Variants in CYTH1 observed in about 807,000 individuals in gnomAD.
The protein encoded by CYTH1 is cytohesin 1.
A neutral mutation model predicts 61.8 loss-of-function variants in CYTH1; 18 were observed. The observed-to-expected ratio is 0.29, with a 90% CI of 0.20 to 0.43. The LOEUF is 0.43. Among genes scored for constraint, CYTH1 ranks in the 20% least tolerant of loss-of-function variants. CYTH1 has a pLI of 1.00. For synonymous variants in CYTH1, 174 were observed against 184.3 expected (o/e 0.94, Z 0.45); for missense variants, 336 against 510.5 (o/e 0.66, Z 3.29).
At chr17:78,745,620 G>A (rs777898249) in intron 1 of CYTH1, among the ~76,000 whole-genome samples, 5 of 152,178 alleles carry the variant, frequency 3.3e-5, no homozygotes, top group Non-Finnish European at 5.9e-5. Flanking sequence ...CTGGCTGGGC[G>A]CAGTGGCTCA....
intron 11 of CYTH1, among the ~76,000 whole-genome samples, chr17:78,682,644 GGCT>G (rs2092775494): frequency 6.6e-6 from 1 of 152,226 alleles, no homozygotes; most frequent in South Asian, 2.1e-4. Context: ...CCTCACACCT[GGCT>G]GCTATCTGGC....
In CYTH1 at chr17:78,725,665, C is replaced by T. The variant is rs141900855; in HGVS notation, c.23-15933G>A. On this transcript the variant is annotated intron_variant, in intron 1 of 13. Transcript: ENST00000446868. ...TCTTTAACATGGCCAGCTTCCACTACGCCGACAGAGTGGATCACAGCCGGG... is the reference window on the plus strand; with the variant it reads ...TCTTTAACATGGCCAGCTTCCACTATGCCGACAGAGTGGATCACAGCCGGG... Among the ~76,000 whole-genome samples, 1,426 of 152,278 alleles carry T rather than the reference C, an allele frequency of 9.4e-3. 10 individuals carry two copies. The highest frequency in any genetic ancestry group is 0.015 in the Non-Finnish European group (1,027 of 68,038).
intron 11 of CYTH1, among the ~76,000 whole-genome samples, chr17:78,691,065 G>A (rs954433758): frequency 3.3e-5 from 5 of 152,202 alleles, no homozygotes; most frequent in African/African-American, 1.2e-4. Context: ...GCAGAAAGCA[G>A]CTTTCTTTTT....
At chr17:78,695,589 A>T (rs1411034798) in intron 10 of CYTH1, among the ~76,000 whole-genome samples, 1 of 152,138 alleles carries the variant, frequency 6.6e-6, no homozygotes, top group Admixed American at 6.5e-5. Flanking sequence ...AAGAAGAAAA[A>T]AGAAAGACTT....
In CYTH1 at chr17:78,782,060, C is replaced by T. The variant is rs1024498342; in HGVS notation, c.22+142G>A. On this transcript the variant is annotated intron_variant, in intron 1 of 13. Transcript: ENST00000446868. ...CCCCGCGAGGGCCCCGCGCACCGCT[C>T]GCCCGCCGGTCGCCCCGGGCTCCGC... The T allele has an allele frequency of 1.5e-4, 113 of 733,938 alleles. No individual in the cohort carries two copies. In the African/African-American group the frequency reaches 2.0e-3, roughly 13 times the overall value. The allele number at this position is 733,938 out of a possible 1,614,324, so 45.5% of individuals were successfully genotyped here.
chr17:78,751,764 G>GTATC (rs1239457131), intron 1 of CYTH1, among the ~76,000 whole-genome samples: 4 of 152,238 alleles, frequency 2.6e-5, no homozygotes, highest in African/African-American at 7.2e-5. Context: ...CAGAGTACAG[G>GTATC]TATCTCTCTG....
At chr17:78,722,682 T>C (rs937604194) in intron 1 of CYTH1, among the ~76,000 whole-genome samples, 12 of 152,194 alleles carry the variant, frequency 7.9e-5, no homozygotes, top group Admixed American at 2.0e-4. Context: ...TGCTAGCCCT[T>C]TGTAATGCTC....
At position 78,708,185 on chromosome 17, in the gene CYTH1, G is replaced by A; in HGVS notation, c.170+12C>T. 6.2e-7 allele frequency: 1 copy of A among 1,613,992 alleles called. No homozygotes were observed. The highest frequency in any genetic ancestry group is 8.5e-7 in the Non-Finnish European group (1 of 1,179,932). Reference sequence around the variant, plus strand: ...CAACCACAGAAGCCACCTGGCAGCAGGGCAGACTCACCTTTCCTCTGTGGA... The same window carrying A: ...CAACCACAGAAGCCACCTGGCAGCAAGGCAGACTCACCTTTCCTCTGTGGA... On this transcript the variant is annotated intron_variant, in intron 3 of 13. Transcript: ENST00000446868.
chr17:78,744,905 A>C (rs565959525), intron 1 of CYTH1, among the ~76,000 whole-genome samples: 1 of 152,088 alleles, frequency 6.6e-6, no homozygotes, highest in Non-Finnish European at 1.5e-5. Context: ...CACAATTTGC[A>C]TTTACTTCAA....
intron 1 of CYTH1, among the ~76,000 whole-genome samples, chr17:78,734,816 A>AT (rs961319562): frequency 1.2e-4 from 18 of 152,012 alleles, no homozygotes; most frequent in Non-Finnish European, 2.6e-4. Context: ...CTTAAAGAAT[A>AT]TTTTCAAAAA....
At position 78,675,162 on chromosome 17, in the gene CYTH1, C is replaced by T. The variant is rs1056360067; in HGVS notation, c.*929G>A. 2.6e-5 allele frequency: 4 copies of T among 152,202 alleles called. No individual in the cohort carries two copies. The highest frequency in any genetic ancestry group is 4.4e-5 in the Non-Finnish European group (3 of 68,044). 9.4% of individuals were successfully genotyped at this position (152,202 alleles called of 1,614,324 possible). A position where few individuals can be genotyped will look rare whatever the true frequency, so the allele number is the denominator to read the frequency against. ...TATCCGGAACCTCTGTCCCGATAAC[C>T]TTCCTCACAGTTTTGGTTATTAGGT... is the stretch of plus-strand genomic sequence containing the variant. On this transcript the variant is annotated 3_prime_UTR_variant, in exon 14 of 14. Coordinates refer to ENST00000446868, the MANE Select transcript of CYTH1 (RefSeq NM_004762.6).
intron 1 of CYTH1, among the ~76,000 whole-genome samples, chr17:78,739,720 C>T (rs1335399483): frequency 6.6e-6 from 1 of 152,140 alleles, no homozygotes; most frequent in Non-Finnish European, 1.5e-5. Context: ...TGGAGACAGC[C>T]AGCACAGGAG....
intron 13 of CYTH1, 165 bp from the exon 14 acceptor site, chr17:78,676,334 C>G (rs2092698527): frequency 3.1e-6 from 2 of 644,338 alleles, no homozygotes; most frequent in Non-Finnish European, 2.7e-6. Flanking sequence ...TGTGTCCACA[C>G]AGTGACCTAA....
Position 78,674,485 on chromosome 17 carries a change from A to G in CYTH1, c.*1606T>C, listed in dbSNP as rs1293230813. On this transcript the variant is annotated 3_prime_UTR_variant, in exon 14 of 14. Transcript: ENST00000446868. ...CTCTGGCACAAAAGTGCCTAAAGCCATTCCCTCCAGGTAGGATCTACACAA... is the reference window on the plus strand; with the variant it reads ...CTCTGGCACAAAAGTGCCTAAAGCCGTTCCCTCCAGGTAGGATCTACACAA... The G allele has an allele frequency of 2.1e-5, 3 of 145,292 alleles. No homozygotes were observed. Among genetic ancestry groups the G allele is most frequent in the Non-Finnish European group, 4.6e-5 (3 of 65,114 alleles). 9.0% of individuals were successfully genotyped at this position (145,292 alleles called of 1,614,324 possible). A position where few individuals can be genotyped will look rare whatever the true frequency, so the allele number is the denominator to read the frequency against.
At position 78,712,809 on chromosome 17, in the gene CYTH1, C is replaced by A. The variant is rs1250152198; in HGVS notation, c.23-3077G>T. Among the ~76,000 whole-genome samples the A allele has an allele frequency of 2.0e-5, 3 of 152,090 alleles. 1 individual carries two copies. Among genetic ancestry groups the A allele is most frequent in the African/African-American group, 7.2e-5 (3 of 41,400 alleles). On this transcript the variant is annotated intron_variant, in intron 1 of 13. Transcript: ENST00000446868. ...GAGACAGCCACTCTAAAGATCCCAA[C>A]AGACCAACTAAATCCAACCCAGGTC...
At chr17:78,731,786 TAAAA>T (rs1314389502) in intron 1 of CYTH1, among the ~76,000 whole-genome samples, 1 of 113,174 alleles carries the variant, frequency 8.8e-6, no homozygotes, top group Non-Finnish European at 1.9e-5. Flanking sequence ...AAAAAACAAA[TAAAA>T]AGGAAATCTC....
intron 1 of CYTH1, chr17:78,727,855 A>G: frequency 2.7e-6 from 1 of 365,910 alleles, no homozygotes; most frequent in Non-Finnish European, 5.6e-6. Flanking sequence ...GACGAGACCT[A>G]TGGCAGGGGC....
chr17:78,701,811 T>C (rs2093012780), intron 5 of CYTH1, 60 bp from the exon 6 acceptor site: 3 of 1,558,210 alleles, frequency 1.9e-6, no homozygotes, highest in Non-Finnish European at 2.7e-6. Context: ...ACACTGAGAA[T>C]CTCCAGCCAG....
intron 1 of CYTH1, among the ~76,000 whole-genome samples, chr17:78,773,928 A>G (rs146050991): frequency 6.6e-6 from 1 of 152,312 alleles, no homozygotes; most frequent in Non-Finnish European, 1.5e-5. Flanking sequence ...ATAAACCATC[A>G]TTTCTTATGA....
Sources: allele counts gnomAD v4.1 joint callset (sites outside exome capture counted in the v4.1 genomes callset), GRCh38; gene constraint gnomAD v4.1.1; transcripts MANE v1.5; gene names NCBI Gene and HGNC (gene_info 2026-07-23, HGNC 2026-07-21).